The following PIGV variants were observed in gnomAD, a reference collection of about 807,000 sequenced individuals.
PIGV encodes phosphatidylinositol glycan anchor biosynthesis class V, also known as GPI alpha-1,6-mannosyltransferase 2.
Under a neutral mutation model 39.2 loss-of-function variants are expected in PIGV, and 27 were observed. The ratio of observed to expected loss-of-function variants is 0.69; its 90% CI spans 0.51 to 0.95. The LOEUF is 0.95. Ranked by LOEUF, PIGV falls within the 40% of genes least tolerant of loss-of-function variation. The pLI, the probability that PIGV is intolerant of heterozygous loss-of-function variation, is 0.00. For missense variants in PIGV, 523 were observed against 586.4 expected, an observed-to-expected ratio of 0.89 and a Z score of 1.12; for synonymous variants, 232 against 241.7, an observed-to-expected ratio of 0.96 and a Z score of 0.37.
chr1:26,789,102 G>C (rs1056053639), intron 1 of PIGV: 7 of 152,364 alleles, frequency 4.6e-5, no homozygotes, highest in African/African-American at 1.7e-4. Flanking sequence ...GAGGAAAAAA[G>C]AGTGAATTCG....
At chr1:26,791,890 G>A (rs2081313800) in intron 2 of PIGV, among the ~76,000 whole-genome samples, 1 of 152,232 alleles carries the variant, frequency 6.6e-6, no homozygotes, top group African/African-American at 2.4e-5. Context: ...GACTTACTCA[G>A]TGATGTCTCT....
At chr1:26,787,553 T>C (rs563270403), upstream of PIGV, 71 of 152,358 alleles carry the variant, frequency 4.7e-4, no homozygotes, top group African/African-American at 1.6e-3. Flanking sequence ...ACATCTATTG[T>C]GTGTCAGGCC....
chr1:26,788,650 A>G (rs1235736390), intron 1 of PIGV: 1 of 152,192 alleles, frequency 6.6e-6, no homozygotes, highest in African/African-American at 2.4e-5. Context: ...AGCAGAAAAC[A>G]TGACAGCCTC....
rs2081420997 is a variant in PIGV, at chr1:26,798,910, C to A, written c.*1066C>A. Among the ~76,000 whole-genome samples the A allele has an allele frequency of 6.6e-6, 1 of 152,124 alleles. No homozygotes were observed. The highest frequency in any genetic ancestry group is 2.4e-5 in the African/African-American group (1 of 41,408). On this transcript the variant is annotated 3_prime_UTR_variant, in exon 4 of 4. Transcript: ENST00000674202. ...GAGTTTTCAGAACCTTAGTTACCACCTCTGAAACCATGGGAAATGATGATA... is the reference window on the plus strand; with the variant it reads ...GAGTTTTCAGAACCTTAGTTACCACATCTGAAACCATGGGAAATGATGATA...
chr1:26,794,367 A>G lies in PIGV; in HGVS notation c.333A>G (p.Leu111=), dbSNP rs1186562909. The G allele has an allele frequency of 5.6e-6, 9 of 1,614,238 alleles. No homozygotes were observed. The highest frequency in any genetic ancestry group is 1.7e-5 in the Admixed American group (1 of 60,032). ...GACCCTTACGGGGGTTACTGAGTCT[A>G]CGCAGTTGCCTGCTGATTTCGGTAG... The part of the protein sequence containing the change: ...LLRPLRGLLS[L]RSCLLISVAS... Residue 111 remains leucine, a synonymous_variant, in exon 3 of 4, where the codon CTA becomes CTG. Coordinates refer to ENST00000674202, the MANE Select transcript of PIGV (RefSeq NM_017837.4).
In PIGV at chr1:26,790,805, G is replaced by T. The variant is rs1430643502; in HGVS notation, c.-11G>T. 1 of 1,613,128 alleles carries T rather than the reference G, an allele frequency of 6.2e-7. No individual in the cohort carries two copies. The highest frequency in any genetic ancestry group is 1.7e-5 in the Admixed American group (1 of 60,034). On this transcript the variant is annotated 5_prime_UTR_variant, in exon 2 of 4. Coordinates refer to ENST00000674202, the MANE Select transcript of PIGV (RefSeq NM_017837.4). ...TGGTAGCAACACCCCTGAATTCCTG[G>T]TGGTGAAAGGATGTGGCCCCAGGAC...
intron 1 of PIGV, among the ~76,000 whole-genome samples, chr1:26,789,783 T>C (rs550508655): frequency 4.6e-5 from 7 of 152,340 alleles, no homozygotes; most frequent in Non-Finnish European, 1.0e-4. Flanking sequence ...CCGTCCTCCT[T>C]AAATTTCTCA....
rs1338224193 is a variant in PIGV at position 26,799,922 on chromosome 1, GT to G, written c.*2081del. Among the ~76,000 whole-genome samples, 5 of 152,148 alleles carry G rather than the reference GT, an allele frequency of 3.3e-5. No individual in the cohort carries two copies. The highest frequency in any genetic ancestry group is 6.5e-5 in the Admixed American group (1 of 15,276). ...TGCGTGCAGGAAGTGTTGGGGTCCT[GT>G]TTCAGCTCTTTATTGCCGAGGTAGG... On this transcript the variant is annotated 3_prime_UTR_variant, in exon 4 of 4. Coordinates refer to ENST00000674202, the MANE Select transcript of PIGV (RefSeq NM_017837.4).
chr1:26,791,424 G>T (rs746744585), intron 2 of PIGV, among the ~76,000 whole-genome samples: 1 of 152,126 alleles, frequency 6.6e-6, no homozygotes, highest in Admixed American at 6.5e-5. Context: ...GCACTTGCCC[G>T]TTTGCAGCTC....
upstream of PIGV, among the ~76,000 whole-genome samples, chr1:26,787,226 C>G (rs2081248486): frequency 6.6e-6 from 1 of 152,214 alleles, no homozygotes; most frequent in Non-Finnish European, 1.5e-5. Context: ...AGGGTACAAA[C>G]TGGCCGCTCC....
At chr1:26,787,627 G>A (rs1253152887), upstream of PIGV, 1 of 152,360 alleles carries the variant, frequency 6.6e-6, no homozygotes, top group Non-Finnish European at 1.5e-5. Context: ...TGAAGAGGCT[G>A]CGGGTCAGCC....
At position 26,794,857 on chromosome 1, in the gene PIGV, C is replaced by T; in HGVS notation, c.823C>T (p.Pro275Ser). The T allele has an allele frequency of 2.0e-5, 32 of 1,614,158 alleles. No homozygotes were observed. The highest frequency in any genetic ancestry group is 2.7e-5 in the Non-Finnish European group (32 of 1,180,008). ...LPGSARPIPE[P>S]LVQLAVDKGY... ...AGGCTCAGCCCGCCCCATTCCTGAG[C>T]CTTTGGTACAGTTAGCTGTAGACAA... is the stretch of plus-strand genomic sequence containing the variant. The change falls in exon 3 of 4, where the codon CCT (proline) becomes TCT (serine). Residue 275 changes from proline to serine, a missense_variant. Coordinates refer to ENST00000674202, the MANE Select transcript of PIGV (RefSeq NM_017837.4).
chr1:26,787,897 T>C, upstream of PIGV: 1 of 152,376 alleles, frequency 6.6e-6, no homozygotes, highest in Non-Finnish European at 1.5e-5. Flanking sequence ...GAGGCGGGGC[T>C]GCTCCAAGTC....
chr1:26,795,846 CTTTA>C (rs533475586), intron 3 of PIGV, among the ~76,000 whole-genome samples: 23 of 148,636 alleles, frequency 1.5e-4, no homozygotes, highest in Middle Eastern at 3.5e-3. Context: ...TTTTATTTTA[CTTTA>C]TTTATTTATT....
At position 26,794,137 on chromosome 1, in the gene PIGV, G is replaced by T; in HGVS notation, c.103G>T (p.Asp35Tyr). The change falls in exon 3 of 4, where the codon GAT (aspartate) becomes TAT (tyrosine). Residue 35 changes from aspartate (D) to tyrosine (Y), a missense_variant. Coordinates refer to ENST00000674202, the MANE Select transcript of PIGV (RefSeq NM_017837.4). The part of the protein sequence containing the change: ...LQALFNAIIP[D>Y]HHAEAFSPPR... ...GGCCCTCTTCAATGCCATCATCCCAGATCACCATGCAGAAGCCTTCTCTCC... is the reference window on the plus strand; with the variant it reads ...GGCCCTCTTCAATGCCATCATCCCATATCACCATGCAGAAGCCTTCTCTCC... The T allele has an allele frequency of 6.2e-7, 1 of 1,614,236 alleles. No homozygotes were observed. The highest frequency in any genetic ancestry group is 8.5e-7 in the Non-Finnish European group (1 of 1,180,038).
At chr1:26,792,906 G>A (rs2081330961) in intron 2 of PIGV, among the ~76,000 whole-genome samples, 1 of 152,224 alleles carries the variant, frequency 6.6e-6, no homozygotes, top group Non-Finnish European at 1.5e-5. Context: ...GGGTGTTAGA[G>A]ATTTGAGGAA....
chr1:26,791,014 G>T, intron 2 of PIGV, 121 bp downstream of exon 2: 3 of 801,596 alleles, frequency 3.7e-6, no homozygotes, highest in South Asian at 1.4e-5. Context: ...TGGAACCACA[G>T]AGACATAGAC....
At position 26,799,430 on chromosome 1, in the gene PIGV, T is replaced by C. The variant is rs956653072; in HGVS notation, c.*1586T>C. On this transcript the variant is annotated 3_prime_UTR_variant, in exon 4 of 4. Coordinates refer to ENST00000674202, the MANE Select transcript of PIGV (RefSeq NM_017837.4). ...CCCATTCCTTGAGCCAGACGAGAGT[T>C]TGGCTCTGTATCATCCATCACCTCT... 1.3e-5 allele frequency among the ~76,000 whole-genome samples: 2 copies of C among 152,222 alleles called. No homozygotes were observed. Among genetic ancestry groups the C allele is most frequent in the Non-Finnish European group, 2.9e-5 (2 of 68,036 alleles).
rs995518549 is a variant in PIGV, at chr1:26,790,842, G to A, written c.27G>A (p.Lys9=). The A allele has an allele frequency of 1.2e-6, 2 of 1,614,052 alleles. No homozygotes were observed. The highest frequency in any genetic ancestry group is 1.3e-5 in the African/African-American group (1 of 74,944). The change falls in exon 2 of 4, where the codon AAG becomes AAA. Residue 9 remains lysine (K), a synonymous_variant. Transcript: ENST00000674202. MWPQDPSR[K]EVLRFAVSCR... ...TGTGGCCCCAGGACCCATCCCGGAA[G>A]GAGGTGCTGAGGTTTGCAGTCAGCT... is the stretch of plus-strand genomic sequence containing the variant.
Sources: allele counts gnomAD v4.1 joint callset (sites outside exome capture counted in the v4.1 genomes callset), GRCh38; gene constraint gnomAD v4.1.1; transcripts MANE v1.5; gene names NCBI Gene and HGNC (gene_info 2026-07-23, HGNC 2026-07-21).